Variants in RALYL observed in about 807,000 individuals in gnomAD.
RALYL encodes the protein RALY RNA binding protein like, also known as RNA-binding Raly-like protein.
A neutral mutation model predicts 35.1 loss-of-function variants in RALYL; 29 were observed. The observed-to-expected ratio is 0.83, with a 90% CI of 0.61 to 1.13. RALYL has a LOEUF of 1.13. Among genes scored for constraint, RALYL ranks in the 50% most tolerant of loss-of-function variants. The pLI is 0.00. For missense variants in RALYL, 359 were observed against 360.4 expected (o/e 1.00, Z 0.03); for synonymous variants, 120 against 127.6 (o/e 0.94, Z 0.40).
chr8:84,407,623 C>A (rs1346241842), intron 1 of RALYL, among the ~76,000 whole-genome samples: 1 of 151,932 alleles, frequency 6.6e-6, no homozygotes, highest in Admixed American at 6.6e-5. Context: ...AATATATTTA[C>A]CTATATTCTG....
intron 2 of RALYL, among the ~76,000 whole-genome samples, chr8:84,618,403 G>A (rs1820387538): frequency 6.6e-6 from 1 of 151,364 alleles, no homozygotes; most frequent in Non-Finnish European, 1.5e-5. Context: ...AGTATTCTCT[G>A]ATGGTAGTTT....
At chr8:84,651,314 A>C (rs1227259151) in intron 2 of RALYL, among the ~76,000 whole-genome samples, 1 of 151,872 alleles carries the variant, frequency 6.6e-6, no homozygotes, top group Admixed American at 6.6e-5. Context: ...CATAACTATG[A>C]ATAATACAGT....
chr8:84,433,710 A>G (rs745590212), intron 1 of RALYL, among the ~76,000 whole-genome samples: 1 of 151,976 alleles, frequency 6.6e-6, no homozygotes, highest in Non-Finnish European at 1.5e-5. Context: ...CTCCCCAGCC[A>G]TGTGGAACTG....
intron 1 of RALYL, among the ~76,000 whole-genome samples, chr8:84,465,069 A>C (rs1404583198): frequency 8.8e-6 from 1 of 113,408 alleles, no homozygotes; most frequent in Non-Finnish European, 1.9e-5. Context: ...AGGTTGCGAA[A>C]ATTTTCTCCC....
At chr8:84,657,516 A>G (rs1488475860) in intron 2 of RALYL, among the ~76,000 whole-genome samples, 2 of 152,210 alleles carry the variant, frequency 1.3e-5, no homozygotes, top group Non-Finnish European at 2.9e-5. Flanking sequence ...GTGCATTAGT[A>G]AAGGGGCTTT....
rs1024320676 is a variant in RALYL at position 84,353,338 on chromosome 8, C to G, written c.-24+168914C>G. 2.7e-5 allele frequency among the ~76,000 whole-genome samples: 4 copies of G among 150,284 alleles called. 2 individuals carry two copies. Among genetic ancestry groups the G allele is most frequent in the African/African-American group, 9.9e-5 (4 of 40,376 alleles). ...GGTGATATCTGTAAACTTTCCATCT[C>G]CTACTAGCTTTTAAGCCCCCGTGGT... is the stretch of plus-strand genomic sequence containing the variant. On this transcript the variant is annotated intron_variant, in intron 1 of 8. Coordinates refer to ENST00000521268, the MANE Select transcript of RALYL (RefSeq NM_173848.7).
chr8:84,594,360 T>G (rs1813983616), intron 2 of RALYL, among the ~76,000 whole-genome samples: 1 of 152,064 alleles, frequency 6.6e-6, no homozygotes. Context: ...CATAATTTAT[T>G]AAATTATTGT....
chr8:84,316,350 CTT>C (rs996388926), intron 1 of RALYL, among the ~76,000 whole-genome samples: 1 of 152,000 alleles, frequency 6.6e-6, no homozygotes, highest in African/African-American at 2.4e-5. Flanking sequence ...ATTTATTATA[CTT>C]TTCTCAAAGT....
intron 2 of RALYL, among the ~76,000 whole-genome samples, chr8:84,533,613 T>A (rs1248980033): frequency 6.6e-6 from 1 of 152,164 alleles, no homozygotes; most frequent in Non-Finnish European, 1.5e-5. Context: ...TCTAGAGCAA[T>A]CATTTTTGTT....
chr8:84,428,197 A>G (rs1017718313), intron 1 of RALYL, among the ~76,000 whole-genome samples: 5 of 152,148 alleles, frequency 3.3e-5, no homozygotes, highest in South Asian at 2.1e-4. Flanking sequence ...AAATAACTCT[A>G]TAGAATATAT....
intron 2 of RALYL, among the ~76,000 whole-genome samples, chr8:84,595,092 G>A (rs751686770): frequency 6.6e-6 from 1 of 152,120 alleles, no homozygotes; most frequent in Non-Finnish European, 1.5e-5. Context: ...AGTGAGTAAG[G>A]AGTAAATACT....
At chr8:84,278,430 T>G (rs1041004440) in intron 1 of RALYL, among the ~76,000 whole-genome samples, 1 of 152,226 alleles carries the variant, frequency 6.6e-6, no homozygotes, top group African/African-American at 2.4e-5. Flanking sequence ...TGTGGAGACA[T>G]TTCCCCCATT....
chr8:84,892,666 C>T (rs544971026), intron 8 of RALYL, among the ~76,000 whole-genome samples: 5 of 147,386 alleles, frequency 3.4e-5, no homozygotes, highest in South Asian at 2.1e-4. Flanking sequence ...CAAACCTGCA[C>T]GTTGTGCACA....
intron 1 of RALYL, among the ~76,000 whole-genome samples, chr8:84,430,639 C>T (rs1271532587): frequency 1.3e-5 from 2 of 151,986 alleles, no homozygotes; most frequent in African/African-American, 4.8e-5. Context: ...TATAAAATTG[C>T]ACAGCACAAG....
At chr8:84,504,752 T>C (rs2057016462) in intron 1 of RALYL, among the ~76,000 whole-genome samples, 1 of 152,142 alleles carries the variant, frequency 6.6e-6, no homozygotes, top group South Asian at 2.1e-4. Context: ...TTAGACACTT[T>C]ATGGAGTGTT....
rs556249386 is a variant in RALYL, at chr8:84,758,073, G to T, written c.257-16506G>T. 1.3e-3 allele frequency among the ~76,000 whole-genome samples: 202 copies of T among 152,238 alleles called. 1 individual carries two copies. The highest frequency in any genetic ancestry group is 1.7e-3 in the Non-Finnish European group (118 of 67,998). Reference sequence around the variant, plus strand: ...GTAAAAATTGATGAATGTATTCTTAGTAAGACTGTGTTTTGAGAAGGTTTT... The same window carrying T: ...GTAAAAATTGATGAATGTATTCTTATTAAGACTGTGTTTTGAGAAGGTTTT... On this transcript the variant is annotated intron_variant, in intron 2 of 8. Transcript: ENST00000521268.
intron 1 of RALYL, among the ~76,000 whole-genome samples, chr8:84,248,651 C>T (rs1395083179): frequency 6.6e-6 from 1 of 152,084 alleles, no homozygotes; most frequent in Non-Finnish European, 1.5e-5. Flanking sequence ...CTTCCTCTCA[C>T]TCTTCTTTCT....
chr8:84,444,815 A>G (rs1408560449), intron 1 of RALYL, among the ~76,000 whole-genome samples: 2 of 152,048 alleles, frequency 1.3e-5, no homozygotes, highest in Admixed American at 1.3e-4. Context: ...GAAAAATGCC[A>G]TTTTGTTTTG....
chr8:84,420,280 A>C (rs1445305360), intron 1 of RALYL, among the ~76,000 whole-genome samples: 2 of 151,948 alleles, frequency 1.3e-5, no homozygotes, highest in African/African-American at 4.8e-5. Flanking sequence ...TTTGATTTGC[A>C]TTTCTCTGAT....
Sources: allele counts gnomAD v4.1 joint callset (sites outside exome capture counted in the v4.1 genomes callset), GRCh38; gene constraint gnomAD v4.1.1; transcripts MANE v1.5; gene names NCBI Gene and HGNC (gene_info 2026-07-23, HGNC 2026-07-21).